ALK: variants seen among roughly 807,000 people sequenced by gnomAD.
The protein encoded by ALK is ALK receptor tyrosine kinase.
Under a neutral mutation model 163.1 loss-of-function variants are expected in ALK, and 74 were observed. The observed-to-expected ratio is 0.45, with a 90% CI of 0.38 to 0.55. The LOEUF (loss-of-function observed/expected upper bound fraction) is 0.55. Ranked by LOEUF, ALK falls within the 20% of genes least tolerant of loss-of-function variation. The probability of loss-of-function intolerance (pLI) is 0.00; values close to 1 mark genes in which losing one functional copy is unlikely to be tolerated. For missense variants in ALK, 2,063 were observed against 2,105.3 expected (o/e 0.98, Z 0.39); for synonymous variants, 960 against 843.2 (o/e 1.14, Z -2.40).
intron 1 of ALK, among the ~76,000 whole-genome samples, chr2:29,728,175 C>A (rs771923760): frequency 6.6e-6 from 1 of 152,226 alleles, no homozygotes; most frequent in Non-Finnish European, 1.5e-5. Flanking sequence ...CTATTACACA[C>A]GGTGCCCAGC....
chr2:29,913,645 G>A (rs1667762103), intron 1 of ALK, among the ~76,000 whole-genome samples: 1 of 152,148 alleles, frequency 6.6e-6, no homozygotes, highest in African/African-American at 2.4e-5. Flanking sequence ...TGGAGGCAAT[G>A]GCTCAGCTAT....
At chr2:29,242,118 A>T (rs907823800) in intron 12 of ALK, among the ~76,000 whole-genome samples, 2 of 152,254 alleles carry the variant, frequency 1.3e-5, no homozygotes, top group African/African-American at 4.8e-5. Flanking sequence ...AAGCAGCATT[A>T]TTTAGCTCAG....
At chr2:29,819,822 G>T (rs1664997802) in intron 1 of ALK, among the ~76,000 whole-genome samples, 1 of 152,212 alleles carries the variant, frequency 6.6e-6, no homozygotes, top group Non-Finnish European at 1.5e-5. Flanking sequence ...GGAAGTGACT[G>T]CTTGCCTTCC....
At chr2:29,818,823 T>A (rs564967818) in intron 1 of ALK, among the ~76,000 whole-genome samples, 6 of 152,264 alleles carry the variant, frequency 3.9e-5, no homozygotes, top group Non-Finnish European at 7.3e-5. Context: ...GTCTTGGTTC[T>A]GCACTCTAGC....
chr2:29,720,553 C>T (rs1003447847), intron 1 of ALK, among the ~76,000 whole-genome samples: 4 of 152,140 alleles, frequency 2.6e-5, no homozygotes, highest in African/African-American at 9.7e-5. Flanking sequence ...TGAGCCTCCC[C>T]ACCTGAAAAG....
At chr2:29,754,265 A>G (rs1680453209) in intron 1 of ALK, among the ~76,000 whole-genome samples, 1 of 152,200 alleles carries the variant, frequency 6.6e-6, no homozygotes, top group African/African-American at 2.4e-5. Flanking sequence ...AAGGGTGGCC[A>G]CAGCAAGTTC....
intron 3 of ALK, among the ~76,000 whole-genome samples, chr2:29,664,679 A>T (rs1310658611): frequency 6.6e-6 from 1 of 152,092 alleles, no homozygotes; most frequent in African/African-American, 2.4e-5. Context: ...TTCCATCCTC[A>T]TGCTGCAACC....
chr2:29,299,918 CT>C (rs1666316249), intron 8 of ALK, among the ~76,000 whole-genome samples: 1 of 152,214 alleles, frequency 6.6e-6, no homozygotes, highest in Non-Finnish European at 1.5e-5. Context: ...ATATCAAGGA[CT>C]TGATACTTAC....
chr2:29,487,951 G>C lies in ALK; in HGVS notation c.1154+43964C>G, dbSNP rs151114220. On this transcript the variant is annotated intron_variant, in intron 4 of 28. Transcript: ENST00000389048. ...GCCCAGTGTGATTGGAGTTACTTTG[G>C]GCTTCTCTGCTCAGTTTATTTTCTT... Among the ~76,000 whole-genome samples, 304 of 152,090 alleles carry C rather than the reference G, an allele frequency of 2.0e-3. 1 individual carries two copies. Among genetic ancestry groups the C allele is most frequent in the African/African-American group, 6.7e-3 (278 of 41,492 alleles).
chr2:29,303,566 T>C (rs1162897839), intron 8 of ALK, among the ~76,000 whole-genome samples: 1 of 152,180 alleles, frequency 6.6e-6, no homozygotes, highest in Admixed American at 6.5e-5. Flanking sequence ...CATTTTACCA[T>C]AAAGACACCT....
At chr2:29,628,138 A>G (rs1207849281) in intron 3 of ALK, among the ~76,000 whole-genome samples, 1 of 152,196 alleles carries the variant, frequency 6.6e-6, no homozygotes, top group Non-Finnish European at 1.5e-5. Context: ...TTAAGCTATA[A>G]TCTTTTCCCT....
intron 4 of ALK, among the ~76,000 whole-genome samples, chr2:29,395,333 C>T (rs1669275361): frequency 6.6e-6 from 1 of 152,166 alleles, no homozygotes; most frequent in Non-Finnish European, 1.5e-5. Context: ...AATTCTGGGG[C>T]TGGGATAAGT....
intron 23 of ALK, among the ~76,000 whole-genome samples, chr2:29,219,187 G>T (rs563437732): frequency 9.2e-5 from 14 of 152,320 alleles, no homozygotes; most frequent in South Asian, 6.2e-4. Flanking sequence ...GCCAGCTGAT[G>T]AGGGCTCTTA....
chr2:29,479,419 T>A (rs1271746388), intron 4 of ALK, among the ~76,000 whole-genome samples: 1 of 152,214 alleles, frequency 6.6e-6, no homozygotes, highest in East Asian at 1.9e-4. Context: ...ACCCGCTTGG[T>A]GATTTTGGAA....
intron 4 of ALK, among the ~76,000 whole-genome samples, chr2:29,426,241 A>G (rs1213111744): frequency 6.6e-6 from 1 of 152,168 alleles, no homozygotes; most frequent in Non-Finnish European, 1.5e-5. Context: ...AAGGCTTCCC[A>G]CTGCAGGGAA....
chr2:29,528,842 C>A (rs1005609057), intron 4 of ALK, among the ~76,000 whole-genome samples: 5 of 152,166 alleles, frequency 3.3e-5, no homozygotes, highest in Non-Finnish European at 7.3e-5. Flanking sequence ...ACTCTGTGAT[C>A]AGCCGGGCCT....
intron 1 of ALK, among the ~76,000 whole-genome samples, chr2:29,864,523 T>C (rs995537697): frequency 2.6e-5 from 4 of 152,254 alleles, no homozygotes; most frequent in Admixed American, 1.3e-4. Context: ...TGTTCCATGA[T>C]ACCAAGAATC....
At chr2:29,902,321 C>T (rs1488767071) in intron 1 of ALK, among the ~76,000 whole-genome samples, 4 of 152,174 alleles carry the variant, frequency 2.6e-5, no homozygotes, top group Non-Finnish European at 4.4e-5. Flanking sequence ...TTCTCTTTTT[C>T]GGCCCCTTGT....
chr2:29,326,921 C>G (rs1416096174), intron 6 of ALK, among the ~76,000 whole-genome samples: 1 of 152,200 alleles, frequency 6.6e-6, no homozygotes. Context: ...GTCTGGGCCC[C>G]ACCCCAGGCA....
Sources: gnomAD v4.1 joint callset for allele counts (sites outside exome capture counted in the v4.1 genomes callset) on GRCh38, gnomAD v4.1.1 for gene constraint, MANE v1.5 for transcripts, NCBI Gene and HGNC (gene_info 2026-07-23, HGNC 2026-07-21) for gene names.